The following SNTG2 variants were observed in gnomAD, a reference collection of about 807,000 sequenced individuals.
SNTG2 encodes syntrophin gamma 2.
SNTG2 carries 74 observed loss-of-function variants against 70.9 expected under a neutral mutation model. The observed-to-expected ratio is 1.04, with a 90% CI of 0.86 to 1.27. The LOEUF (loss-of-function observed/expected upper bound fraction) is 1.27, where lower values mean the gene tolerates loss of function less well. Ranked by LOEUF, SNTG2 falls within the 50% of genes most tolerant of loss-of-function variation. The pLI is 0.00. For missense variants in SNTG2, 717 were observed against 690.7 expected (o/e 1.04, Z -0.43); for synonymous variants, 278 against 273.8 (o/e 1.02, Z -0.15).
intron 16 of SNTG2, among the ~76,000 whole-genome samples, chr2:1,333,842 G>A (rs908598873): frequency 1.3e-5 from 2 of 152,074 alleles, no homozygotes; most frequent in Non-Finnish European, 2.9e-5. Flanking sequence ...ATTCTGGAAG[G>A]TAACATCAGA....
At position 1,126,910 on chromosome 2, in the gene SNTG2, C is replaced by T. The variant is rs147589969; in HGVS notation, c.326-10712C>T. On this transcript the variant is annotated intron_variant, in intron 4 of 16. Coordinates refer to ENST00000308624, the MANE Select transcript of SNTG2 (RefSeq NM_018968.4). ...AGTTTGAAAATATTTTCTCCCATTC[C>T]GTGGCTTGTCTCTTCACTCTGTTGT... Among the ~76,000 whole-genome samples, 265 of 152,136 alleles carry T rather than the reference C, an allele frequency of 1.7e-3. 2 individuals carry two copies. Among genetic ancestry groups the T allele is most frequent in the East Asian group, 0.012 (64 of 5,180 alleles).
At chr2:1,135,462 G>C (rs1180194724) in intron 4 of SNTG2, among the ~76,000 whole-genome samples, 1 of 152,208 alleles carries the variant, frequency 6.6e-6, no homozygotes, top group African/African-American at 2.4e-5. Context: ...GCTCACGCCT[G>C]TAATCCCAGC....
At chr2:1,266,436 T>C (rs926533217) in intron 13 of SNTG2, among the ~76,000 whole-genome samples, 8 of 152,194 alleles carry the variant, frequency 5.3e-5, no homozygotes, top group African/African-American at 1.7e-4. Context: ...AGACGTGCTG[T>C]AAGTAACTTA....
intron 13 of SNTG2, among the ~76,000 whole-genome samples, chr2:1,265,943 G>A (rs1157488736): frequency 6.6e-6 from 1 of 152,124 alleles, no homozygotes; most frequent in East Asian, 1.9e-4. Flanking sequence ...CAAAATTGAT[G>A]TTGGGGTGCA....
At chr2:1,192,998 G>A (rs1672693850) in intron 8 of SNTG2, among the ~76,000 whole-genome samples, 1 of 152,216 alleles carries the variant, frequency 6.6e-6, no homozygotes, top group African/African-American at 2.4e-5. Context: ...CATGTGAAAG[G>A]CTCACAGAGG....
chr2:1,285,974 A>G (rs916666649), intron 14 of SNTG2, among the ~76,000 whole-genome samples: 2 of 152,228 alleles, frequency 1.3e-5, no homozygotes, highest in African/African-American at 2.4e-5. Context: ...GTTGTGGAGT[A>G]GTAGACTGAT....
At chr2:1,188,452 TAAC>T (rs1482322763) in intron 8 of SNTG2, among the ~76,000 whole-genome samples, 1 of 151,912 alleles carries the variant, frequency 6.6e-6, no homozygotes, top group Non-Finnish European at 1.5e-5. Flanking sequence ...GATAAAATAA[TAAC>T]AAACAAGAAA....
In SNTG2 at chr2:1,097,265, G is replaced by A. The variant is rs955458081; in HGVS notation, c.211-931G>A. Among the ~76,000 whole-genome samples, 1 of 152,164 alleles carries A rather than the reference G, an allele frequency of 6.6e-6. No homozygotes were observed. The highest frequency in any genetic ancestry group is 2.4e-5 in the African/African-American group (1 of 41,444). On this transcript the variant is annotated intron_variant, in intron 2 of 16. Coordinates refer to ENST00000308624, the MANE Select transcript of SNTG2 (RefSeq NM_018968.4). The surrounding 1 kb of genome is among the most constrained non-coding windows in gnomAD (Gnocchi z 4.1). ...CTGCACCTGCACCGCTGGCCGGGGCGGGAGCTCCCAGGTCCCCCCTTCGGC... is the reference window on the plus strand; with the variant it reads ...CTGCACCTGCACCGCTGGCCGGGGCAGGAGCTCCCAGGTCCCCCCTTCGGC...
At chr2:985,714 C>T (rs1442425627) in intron 1 of SNTG2, among the ~76,000 whole-genome samples, 1 of 152,056 alleles carries the variant, frequency 6.6e-6, no homozygotes, top group Non-Finnish European at 1.5e-5. Flanking sequence ...GTAAGTAACC[C>T]GTCTTCTGAT....
chr2:1,275,325 T>C lies in SNTG2; in HGVS notation c.1284+7754T>C, dbSNP rs574555292. ...TTTATTATTTATTTTTAATTGAAGA[T>C]TTAAGGAAACCCTGCAGTAAGCAAA... On this transcript the variant is annotated intron_variant, in intron 14 of 16. Coordinates refer to ENST00000308624, the MANE Select transcript of SNTG2 (RefSeq NM_018968.4). 5.3e-5 allele frequency among the ~76,000 whole-genome samples: 8 copies of C among 152,364 alleles called. No homozygotes were observed. In the East Asian group the frequency reaches 1.5e-3, roughly 29 times the overall value.
At chr2:1,363,909 C>T (rs1380342270) in intron 16 of SNTG2, among the ~76,000 whole-genome samples, 1 of 152,152 alleles carries the variant, frequency 6.6e-6, no homozygotes, top group Non-Finnish European at 1.5e-5. Context: ...CAGTACTACT[C>T]ATTGAGTTTT....
intron 4 of SNTG2, among the ~76,000 whole-genome samples, chr2:1,112,847 A>T (rs1444863321): frequency 2.0e-5 from 3 of 151,276 alleles, no homozygotes; most frequent in Admixed American, 6.6e-5. Context: ...AGTGAGGTTT[A>T]ACCCTTATAC....
At chr2:1,156,166 G>A (rs1669882997) in intron 6 of SNTG2, among the ~76,000 whole-genome samples, 1 of 152,200 alleles carries the variant, frequency 6.6e-6, no homozygotes, top group Non-Finnish European at 1.5e-5. Flanking sequence ...TGGTAGAAGG[G>A]TTCCCTGGCA....
intron 1 of SNTG2, among the ~76,000 whole-genome samples, chr2:1,021,038 G>T (rs948177368): frequency 6.6e-5 from 10 of 151,974 alleles, no homozygotes; most frequent in African/African-American, 2.4e-4. Flanking sequence ...AGACACTGTG[G>T]TTCCTCTTAA....
intron 8 of SNTG2, among the ~76,000 whole-genome samples, chr2:1,177,118 G>T (rs766994930): frequency 2.6e-5 from 4 of 152,166 alleles, no homozygotes; most frequent in African/African-American, 9.7e-5. Flanking sequence ...AGGAAATGTG[G>T]TAGAGATACA....
chr2:1,177,662 G>A (rs991646766), intron 8 of SNTG2, among the ~76,000 whole-genome samples: 3 of 151,460 alleles, frequency 2.0e-5, no homozygotes, highest in South Asian at 2.1e-4. Flanking sequence ...CCCAGCAAAC[G>A]TGCTTCAAAA....
intron 13 of SNTG2, 141 bp downstream of exon 13, chr2:1,259,582 A>C: frequency 2.9e-6 from 2 of 700,770 alleles, no homozygotes; most frequent in Non-Finnish European, 4.8e-6. Context: ...ATCTGGACCC[A>C]TTCTCCTGCC....
chr2:1,002,478 A>G (rs1355759667), intron 1 of SNTG2, among the ~76,000 whole-genome samples: 5 of 152,080 alleles, frequency 3.3e-5, no homozygotes, highest in African/African-American at 9.7e-5. Flanking sequence ...AGACAAACAA[A>G]TGGTTACAAG....
At chr2:1,293,062 TTTAGTTTTGATAAA>T (rs1045575079) in intron 14 of SNTG2, among the ~76,000 whole-genome samples, 3 of 152,190 alleles carry the variant, frequency 2.0e-5, no homozygotes, top group African/African-American at 7.2e-5. Context: ...TTCTTCTTGA[TTTAGTTTTGATAAA>T]TTGTGTGTGT....
Sources: gnomAD v4.1 joint callset for allele counts (sites outside exome capture counted in the v4.1 genomes callset) on GRCh38, gnomAD v4.1.1 for gene constraint, Gnocchi (gnomAD v3.1) non-coding constraint, MANE v1.5 for transcripts, NCBI Gene and HGNC (gene_info 2026-07-23, HGNC 2026-07-21) for gene names.